CENPP: variants seen among roughly 807,000 people sequenced by gnomAD.
The protein encoded by CENPP is centromere protein P.
CENPP carries 24 observed loss-of-function variants against 35.6 expected under a neutral mutation model. The observed-to-expected ratio is 0.67, with a 90% CI of 0.49 to 0.95. The LOEUF (loss-of-function observed/expected upper bound fraction) is 0.95, where lower values mean the gene tolerates loss of function less well. CENPP is among the 40% of genes least tolerant of loss of function. The pLI, the probability that CENPP is intolerant of heterozygous loss-of-function variation, is 0.00. For synonymous variants in CENPP, 120 were observed against 125.5 expected (o/e 0.96, Z 0.29); for missense variants, 332 against 345.3 (o/e 0.96, Z 0.31).
intron 5 of CENPP, among the ~76,000 whole-genome samples, chr9:92,473,722 C>T (rs1845609930): frequency 6.6e-6 from 1 of 152,182 alleles, no homozygotes; most frequent in Non-Finnish European, 1.5e-5. Flanking sequence ...TCGTATTAGT[C>T]TCCCCTTTTT....
intron 5 of CENPP, among the ~76,000 whole-genome samples, chr9:92,563,255 A>C (rs1056291919): frequency 2.0e-5 from 3 of 152,342 alleles, no homozygotes; most frequent in Middle Eastern, 3.4e-3. Context: ...TCCAAGAAGC[A>C]TTCTCCAGCT....
chr9:92,533,918 A>G (rs943658259), intron 5 of CENPP, among the ~76,000 whole-genome samples: 1 of 152,026 alleles, frequency 6.6e-6, no homozygotes, highest in Non-Finnish European at 1.5e-5. Flanking sequence ...CTTTCTATAG[A>G]AATTTTTTTC....
intron 5 of CENPP, among the ~76,000 whole-genome samples, chr9:92,397,257 C>A (rs1265374864): frequency 1.3e-5 from 2 of 152,144 alleles, no homozygotes; most frequent in Non-Finnish European, 2.9e-5. Flanking sequence ...ATGTCCCAAA[C>A]TAACCTTGCA....
chr9:92,367,120 T>C (rs1019064059), intron 4 of CENPP, among the ~76,000 whole-genome samples: 10 of 152,210 alleles, frequency 6.6e-5, no homozygotes, highest in African/African-American at 2.4e-4. Context: ...CAAAAGTTGT[T>C]GTTAATGAGG....
chr9:92,366,802 C>G (rs777852168), intron 4 of CENPP, among the ~76,000 whole-genome samples: 5 of 152,122 alleles, frequency 3.3e-5, no homozygotes, highest in African/African-American at 1.2e-4. Flanking sequence ...GAGAGGATCA[C>G]GATTCAGTTA....
chr9:92,551,953 G>A (rs1053853204), intron 5 of CENPP, among the ~76,000 whole-genome samples: 4 of 108,112 alleles, frequency 3.7e-5, no homozygotes, highest in African/African-American at 1.7e-4. Context: ...ATATATATAT[G>A]ATATATATAT....
intron 5 of CENPP, chr9:92,514,872 C>A: frequency 6.2e-7 from 1 of 1,613,138 alleles, no homozygotes; most frequent in South Asian, 1.1e-5. Context: ...CATCCTCCTC[C>A]TCCTCCCTTC....
At chr9:92,400,376 C>A (rs963009696) in intron 5 of CENPP, among the ~76,000 whole-genome samples, 1 of 152,148 alleles carries the variant, frequency 6.6e-6, no homozygotes, top group Admixed American at 6.5e-5. Flanking sequence ...GTCTTGAACT[C>A]CTGACCTCGT....
chr9:92,392,806 A>T (rs1465544098), intron 5 of CENPP, among the ~76,000 whole-genome samples: 1 of 152,164 alleles, frequency 6.6e-6, no homozygotes, highest in East Asian at 1.9e-4. Flanking sequence ...GAAGCAAGGG[A>T]TCTTGAAGTA....
chr9:92,582,905 G>C (rs893298174), intron 5 of CENPP, among the ~76,000 whole-genome samples: 18 of 152,054 alleles, frequency 1.2e-4, no homozygotes, highest in African/African-American at 4.3e-4. Flanking sequence ...TCTCTATCTT[G>C]CTTTCTTTTT....
At chr9:92,342,721 C>G (rs1841161376) in intron 3 of CENPP, among the ~76,000 whole-genome samples, 1 of 152,216 alleles carries the variant, frequency 6.6e-6, no homozygotes, top group African/African-American at 2.4e-5. Context: ...AAACAAAGGA[C>G]TATCTCGTTT....
At chr9:92,376,021 A>T (rs556789512) in intron 4 of CENPP, among the ~76,000 whole-genome samples, 6 of 152,182 alleles carry the variant, frequency 3.9e-5, no homozygotes, top group African/African-American at 1.4e-4. Context: ...TTGGTTCTGT[A>T]TGGGGACACT....
intron 5 of CENPP, among the ~76,000 whole-genome samples, chr9:92,417,812 A>G (rs1200439805): frequency 1.3e-5 from 2 of 151,858 alleles, no homozygotes; most frequent in Non-Finnish European, 2.9e-5. Flanking sequence ...TCTGCCTCCC[A>G]GGCTCCCAGG....
chr9:92,489,707 A>G (rs1846135211), intron 5 of CENPP, among the ~76,000 whole-genome samples: 1 of 151,486 alleles, frequency 6.6e-6, no homozygotes, highest in East Asian at 1.9e-4. Flanking sequence ...TCCTGCTCAG[A>G]TGTTCGTGTA....
chr9:92,404,487 T>C, intron 5 of CENPP: 1 of 1,274,500 alleles, frequency 7.8e-7, no homozygotes, highest in Non-Finnish European at 1.0e-6. Context: ...ATATGAAAAG[T>C]AAGCCTACCG....
At chr9:92,338,612 AT>A (rs202018230) in intron 3 of CENPP, among the ~76,000 whole-genome samples, 2 of 149,722 alleles carry the variant, frequency 1.3e-5, no homozygotes, top group African/African-American at 2.4e-5. Context: ...GCATCTGTAG[AT>A]TTTTTTTTTT....
chr9:92,517,439 G>T, intron 5 of CENPP: 1 of 598,240 alleles, frequency 1.7e-6, no homozygotes, highest in East Asian at 2.8e-5. Context: ...AGAGTCAAAT[G>T]TGGAATGTAA....
At chr9:92,431,217 G>A (rs1234622228) in intron 5 of CENPP, among the ~76,000 whole-genome samples, 2 of 152,210 alleles carry the variant, frequency 1.3e-5, no homozygotes, top group Non-Finnish European at 2.9e-5. Flanking sequence ...TAATTGAATA[G>A]TCCACCTTTC....
chr9:92,557,163 C>T (rs891795922), intron 5 of CENPP, among the ~76,000 whole-genome samples: 7 of 152,176 alleles, frequency 4.6e-5, no homozygotes, highest in Admixed American at 2.0e-4. Context: ...TCCCTTCTAG[C>T]TTATAGGGTT....
Sources: allele counts gnomAD v4.1 joint callset (sites outside exome capture counted in the v4.1 genomes callset), GRCh38; gene constraint gnomAD v4.1.1; transcripts MANE v1.5; gene names NCBI Gene and HGNC (gene_info 2026-07-23, HGNC 2026-07-21).